EMC2: variants seen among roughly 807,000 people sequenced by gnomAD.
The protein encoded by EMC2 is ER membrane protein complex subunit 2.
Under a neutral mutation model 51.6 loss-of-function variants are expected in EMC2, and 37 were observed. The ratio of observed to expected loss-of-function variants is 0.72; its 90% CI spans 0.55 to 0.94. The LOEUF (loss-of-function observed/expected upper bound fraction) is 0.94. Among genes scored for constraint, EMC2 ranks in the 40% least tolerant of loss-of-function variants. The pLI, the probability that EMC2 is intolerant of heterozygous loss-of-function variation, is 0.00. For synonymous variants in EMC2, 131 were observed against 112.4 expected, an observed-to-expected ratio of 1.17 and a Z score of -1.04; for missense variants, 359 against 350.9, an observed-to-expected ratio of 1.02 and a Z score of -0.18.
At chr8:108,451,447 C>A (rs1035562500) in intron 3 of EMC2, among the ~76,000 whole-genome samples, 1 of 151,842 alleles carries the variant, frequency 6.6e-6, no homozygotes, top group South Asian at 2.1e-4. Flanking sequence ...TCTTAAGTAC[C>A]GCTTCATGCT....
chr8:108,462,188 GTGTT>G (rs1362685741), intron 5 of EMC2, among the ~76,000 whole-genome samples: 156 of 151,786 alleles, frequency 1.0e-3, no homozygotes, highest in African/African-American at 3.4e-3. Flanking sequence ...GTGTGTGTGT[GTGTT>G]TGTGTGCATG....
intron 10 of EMC2, among the ~76,000 whole-genome samples, chr8:108,483,481 T>C (rs780057724): frequency 1.3e-5 from 2 of 152,186 alleles, no homozygotes; most frequent in African/African-American, 2.4e-5. Flanking sequence ...TATAAATGAG[T>C]TCATAGGTTA....
Position 108,446,594 on chromosome 8 carries a change from A to G in EMC2, c.40+2896A>G, listed in dbSNP as rs769316981. ...AGCACTAAAAAATGGAATGTCAGGT[A>G]GTATTAACAGAAGGTGGAATTAACA... On this transcript the variant is annotated intron_variant, in intron 1 of 10. Transcript: ENST00000220853. 5.7e-4 allele frequency among the ~76,000 whole-genome samples: 87 copies of G among 152,204 alleles called. 1 individual carries two copies. The highest frequency in any genetic ancestry group is 9.7e-4 in the Non-Finnish European group (66 of 68,028).
chr8:108,475,260 G>A (rs1019297208), intron 7 of EMC2: 1 of 151,802 alleles, frequency 6.6e-6, no homozygotes. Context: ...TAGGTTTTCA[G>A]CAAGATTTTT....
chr8:108,475,238 G>C (rs1810926854), intron 7 of EMC2: 1 of 151,856 alleles, frequency 6.6e-6, no homozygotes, highest in Non-Finnish European at 1.5e-5. Flanking sequence ...CTTTCTGGCA[G>C]TTCTCTTTCC....
In EMC2 at chr8:108,445,503, T is replaced by C. The variant is rs369992644; in HGVS notation, c.40+1805T>C. Among the ~76,000 whole-genome samples, 140 of 152,150 alleles carry C rather than the reference T, an allele frequency of 9.2e-4. 2 individuals carry two copies. In the South Asian group the frequency reaches 0.028, roughly 30 times the overall value. ...TCACTCTTGCCCCCATTAAACTTTATCATTTATCAATTCCCCACAAAGCTC... is the reference window on the plus strand; with the variant it reads ...TCACTCTTGCCCCCATTAAACTTTACCATTTATCAATTCCCCACAAAGCTC... On this transcript the variant is annotated intron_variant, in intron 1 of 10. Coordinates refer to ENST00000220853, the MANE Select transcript of EMC2 (RefSeq NM_014673.5).
chr8:108,464,334 C>T (rs1010176732), intron 5 of EMC2, among the ~76,000 whole-genome samples: 4 of 152,164 alleles, frequency 2.6e-5, no homozygotes, highest in South Asian at 2.1e-4. Context: ...GGAAAGGCAT[C>T]GGAGGGGCTT....
chr8:108,486,588 C>T lies in EMC2; in HGVS notation c.884C>T (p.Thr295Ile), dbSNP rs1811144470. ...VEDMLETLQI[T>I]QS The stretch of plus-strand genomic sequence containing the variant: ...GACATGTTGGAAACATTGCAGATCA[C>T]CCAGTCTTAAGGTTTCAAAAACTCT... The change falls in exon 11 of 11, where the codon ACC becomes ATC. Residue 295 changes from threonine (T) to isoleucine (I), a missense_variant. By Grantham distance (89) the Thr-to-Ile change is moderately conservative (BLOSUM62 -1). Coordinates refer to ENST00000220853, the MANE Select transcript of EMC2 (RefSeq NM_014673.5). The T allele has an allele frequency of 1.2e-6, 2 of 1,603,310 alleles. No individual in the cohort carries two copies. Among genetic ancestry groups the T allele is most frequent in the South Asian group, 2.3e-5 (2 of 88,866 alleles).
intron 5 of EMC2, among the ~76,000 whole-genome samples, chr8:108,467,464 T>C (rs564221798): frequency 6.6e-6 from 1 of 152,290 alleles, no homozygotes; most frequent in East Asian, 1.9e-4. Context: ...TTCTCCTGCC[T>C]CAGCCTCCCA....
At chr8:108,459,960 C>G (rs1819274402) in intron 5 of EMC2, among the ~76,000 whole-genome samples, 1 of 152,078 alleles carries the variant, frequency 6.6e-6, no homozygotes, top group Non-Finnish European at 1.5e-5. Flanking sequence ...TCTAACAATT[C>G]TAATAGCTTA....
chr8:108,486,549 T>C lies in EMC2; in HGVS notation c.845T>C (p.Leu282Pro). 6.2e-7 allele frequency: 1 copy of C among 1,606,266 alleles called. No homozygotes were observed. Among genetic ancestry groups the C allele is most frequent in the East Asian group, 2.2e-5 (1 of 44,590 alleles). ...GRSKKETKYS[L>P]KAVEDMLETL... Reference sequence around the variant, plus strand: ...AGTAAGAAGGAAACCAAATATTCTCTTAAGGCTGTCGAAGACATGTTGGAA... The same window carrying C: ...AGTAAGAAGGAAACCAAATATTCTCCTAAGGCTGTCGAAGACATGTTGGAA... The change falls in exon 11 of 11, where the codon CTT becomes CCT. Residue 282 changes from leucine (L) to proline (P), a missense_variant. Coordinates refer to ENST00000220853, the MANE Select transcript of EMC2 (RefSeq NM_014673.5).
chr8:108,457,325 T>C (rs1377218194), intron 5 of EMC2, among the ~76,000 whole-genome samples: 1 of 85,274 alleles, frequency 1.2e-5, no homozygotes, highest in Non-Finnish European at 3.0e-5. Flanking sequence ...GATGTGCGTG[T>C]GTGTGCGTGT....
chr8:108,446,334 T>C, intron 1 of EMC2: 1 of 413,138 alleles, frequency 2.4e-6, no homozygotes, highest in South Asian at 1.7e-5. Context: ...AGAATTTACA[T>C]TGTAATGAAG....
At chr8:108,454,262 A>G (rs1368857418) in intron 4 of EMC2, among the ~76,000 whole-genome samples, 2 of 151,968 alleles carry the variant, frequency 1.3e-5, no homozygotes, top group Non-Finnish European at 2.9e-5. Flanking sequence ...ACTATTTTCT[A>G]TTGATTGCTC....
chr8:108,469,922 T>TA lies in EMC2; in HGVS notation c.449+12dup. 2 of 1,597,686 alleles carry TA rather than the reference T, an allele frequency of 1.3e-6. No homozygotes were observed. Among genetic ancestry groups the TA allele is most frequent in the Non-Finnish European group, 1.7e-6 (2 of 1,165,314 alleles). The stretch of plus-strand genomic sequence containing the variant: ...TGAGTATCTGGAACAGTGAGTATTT[T>TA]ACAAGAGGATTGTGTTTTGTTATTC... On this transcript the variant is annotated intron_variant, in intron 6 of 10. Transcript: ENST00000220853.
chr8:108,482,005 T>G (rs1811052153), intron 10 of EMC2, among the ~76,000 whole-genome samples: 1 of 152,166 alleles, frequency 6.6e-6, no homozygotes, highest in Non-Finnish European at 1.5e-5. Flanking sequence ...GGTCTTTTGG[T>G]GGAATATATG....
chr8:108,453,744 A>T (rs1483886494), intron 4 of EMC2, among the ~76,000 whole-genome samples: 2 of 151,952 alleles, frequency 1.3e-5, no homozygotes, highest in Non-Finnish European at 1.5e-5. Flanking sequence ...TAGATAATTG[A>T]TTGTGCTGTA....
intron 5 of EMC2, among the ~76,000 whole-genome samples, chr8:108,460,583 T>G (rs897999232): frequency 3.9e-5 from 6 of 152,226 alleles, no homozygotes; most frequent in Non-Finnish European, 7.3e-5. Context: ...CTTAAAATAC[T>G]GTATAAAATT....
chr8:108,462,686 A>G (rs1351426719), intron 5 of EMC2, among the ~76,000 whole-genome samples: 20 of 152,098 alleles, frequency 1.3e-4, no homozygotes, highest in Admixed American at 1.3e-3. Flanking sequence ...AATTAGTTAA[A>G]AATGTTATTT....
Sources: gnomAD v4.1 joint callset for allele counts (sites outside exome capture counted in the v4.1 genomes callset) on GRCh38, gnomAD v4.1.1 for gene constraint, MANE v1.5 for transcripts, NCBI Gene and HGNC (gene_info 2026-07-23, HGNC 2026-07-21) for gene names.